Variants in GTF2A2 observed in about 807,000 individuals in gnomAD.
GTF2A2 encodes the protein general transcription factor IIA subunit 2.
GTF2A2 carries 9 observed loss-of-function variants against 14.3 expected under a neutral mutation model. The ratio of observed to expected loss-of-function variants is 0.63; its 90% CI spans 0.38 to 1.10. The LOEUF (loss-of-function observed/expected upper bound fraction) is 1.10. Among genes scored for constraint, GTF2A2 ranks in the 50% least tolerant of loss-of-function variants. The pLI, the probability that GTF2A2 is intolerant of heterozygous loss-of-function variation, is 0.01. For missense variants in GTF2A2, 90 were observed against 124.6 expected (o/e 0.72, Z 1.32); for synonymous variants, 56 against 46.0 (o/e 1.22, Z -0.88).
At chr15:59,650,053 T>G (rs1472276846) in intron 3 of GTF2A2, among the ~76,000 whole-genome samples, 1 of 152,228 alleles carries the variant, frequency 6.6e-6, no homozygotes, top group African/African-American at 2.4e-5. Context: ...GTGGTAAAAT[T>G]ATTTCTGTTG....
chr15:59,641,212 G>T (rs1420806257), intron 4 of GTF2A2, among the ~76,000 whole-genome samples: 2 of 96,356 alleles, frequency 2.1e-5, no homozygotes, highest in African/African-American at 4.0e-5. Flanking sequence ...AGGCTTAAGA[G>T]TAGTAAACTC....
rs536798563 is a variant in GTF2A2 at position 59,642,730 on chromosome 15, ACATT to A, written c.178-472_178-469del. On this transcript the variant is annotated intron_variant, in intron 3 of 4. Transcript: ENST00000396060. Reference sequence around the variant, plus strand: ...TACTGCATCGGTCACTAAGACTACAACATTCATTGTCTTGTGCAACTTATAATTT... The same window carrying A: ...TACTGCATCGGTCACTAAGACTACAACATTGTCTTGTGCAACTTATAATTT... 6.7e-4 allele frequency among the ~76,000 whole-genome samples: 102 copies of A among 152,348 alleles called. 1 individual carries two copies. The Middle Eastern group carries it at 0.014, about 20-fold the overall frequency.
At chr15:59,644,681 A>G (rs1485801114) in intron 3 of GTF2A2, among the ~76,000 whole-genome samples, 5 of 152,228 alleles carry the variant, frequency 3.3e-5, no homozygotes, top group Non-Finnish European at 7.3e-5. Context: ...GCTTCTCTCA[A>G]AAAGTGAAGT....
At chr15:59,649,503 A>G (rs1367477759) in intron 3 of GTF2A2, among the ~76,000 whole-genome samples, 1 of 152,208 alleles carries the variant, frequency 6.6e-6, no homozygotes, top group African/African-American at 2.4e-5. Context: ...AAATTTATGT[A>G]TTAACATGGA....
intron 2 of GTF2A2, 154 bp downstream of exon 2, chr15:59,652,052 A>G: frequency 1.7e-6 from 1 of 571,646 alleles, no homozygotes. Context: ...AGTGTAATAA[A>G]CAAGAATTTG....
intron 4 of GTF2A2, among the ~76,000 whole-genome samples, chr15:59,640,556 C>T (rs1891380675): frequency 6.6e-6 from 1 of 152,014 alleles, no homozygotes; most frequent in Non-Finnish European, 1.5e-5. Flanking sequence ...CTGCCCATAC[C>T]CACATTTCAA....
intron 1 of GTF2A2, among the ~76,000 whole-genome samples, chr15:59,655,324 A>T (rs915293159): frequency 1.3e-4 from 20 of 152,150 alleles, no homozygotes; most frequent in African/African-American, 4.3e-4. Context: ...ACTGTCTCCC[A>T]ATTCCTTTTT....
At position 59,647,640 on chromosome 15, in the gene GTF2A2, G is replaced by A. The variant is rs577287199; in HGVS notation, c.177+3029C>T. On this transcript the variant is annotated intron_variant, in intron 3 of 4. Transcript: ENST00000396060. The stretch of plus-strand genomic sequence containing the variant: ...GTGGCCCAAGCTAGAGTGCAGTGGC[G>A]CGATCTTGGCTCACTGCAACCTCCG... Among the ~76,000 whole-genome samples, 19 of 151,804 alleles carry A rather than the reference G, an allele frequency of 1.3e-4. No homozygotes were observed. The East Asian group carries it at 2.3e-3, about 19-fold the overall frequency.
chr15:59,639,181 AG>A, intron 4 of GTF2A2, 24 bp from the exon 5 acceptor site: 2 of 1,359,740 alleles, frequency 1.5e-6, no homozygotes, highest in Non-Finnish European at 1.0e-6. Context: ...GAGAAAGTAA[AG>A]TAAAGTAAAT....
intron 3 of GTF2A2, chr15:59,644,280 T>A (rs1325103352): frequency 6.6e-6 from 1 of 152,190 alleles, no homozygotes; most frequent in African/African-American, 2.4e-5. Flanking sequence ...CATGCACACA[T>A]ATAGTCACAT....
At chr15:59,655,386 T>C (rs1231000656) in intron 1 of GTF2A2, among the ~76,000 whole-genome samples, 1 of 152,214 alleles carries the variant, frequency 6.6e-6, no homozygotes, top group Non-Finnish European at 1.5e-5. Context: ...AGGAAACAGG[T>C]TGGTGAAGGT....
chr15:59,644,748 G>A (rs1477115754), intron 3 of GTF2A2, among the ~76,000 whole-genome samples: 1 of 151,936 alleles, frequency 6.6e-6, no homozygotes, highest in African/African-American at 2.4e-5. Flanking sequence ...ATAATGGAAA[G>A]GAAGACAAAC....
At chr15:59,639,248 CACAGGACTAATAGTGGTGGTGGCTT>C in intron 4 of GTF2A2, 91 bp from the exon 5 acceptor site, 1 of 799,582 alleles carries the variant, frequency 1.3e-6, no homozygotes, top group East Asian at 2.5e-5. Flanking sequence ...AAAATGAGAA[CACAGGACTAATAGTGGTGGTGGCTT>C]GCAGGGTGGG....
At chr15:59,645,859 A>AC (rs1242337159) in intron 3 of GTF2A2, among the ~76,000 whole-genome samples, 2 of 151,584 alleles carry the variant, frequency 1.3e-5, no homozygotes, top group East Asian at 3.9e-4. Flanking sequence ...ACATAGTGAA[A>AC]CCCCGTCTCT....
chr15:59,653,517 T>C (rs1263268970), intron 1 of GTF2A2, among the ~76,000 whole-genome samples: 2 of 152,188 alleles, frequency 1.3e-5, no homozygotes, highest in Non-Finnish European at 2.9e-5. Context: ...CCATTGTATT[T>C]TTTATTTTCT....
intron 3 of GTF2A2, among the ~76,000 whole-genome samples, chr15:59,650,194 CTG>C (rs1371613108): frequency 9.9e-5 from 15 of 152,182 alleles, no homozygotes; most frequent in Admixed American, 4.6e-4. Context: ...CCAGAATAGA[CTG>C]TTATCTACCA....
intron 3 of GTF2A2, among the ~76,000 whole-genome samples, chr15:59,643,490 T>C (rs1231772229): frequency 6.6e-6 from 1 of 151,918 alleles, no homozygotes; most frequent in Non-Finnish European, 1.5e-5. Context: ...GTGCTGAGAT[T>C]ACAGGCGTGA....
chr15:59,643,136 G>T (rs1389734413), intron 3 of GTF2A2, among the ~76,000 whole-genome samples: 1 of 138,302 alleles, frequency 7.2e-6, no homozygotes, highest in East Asian at 2.1e-4. Context: ...CTGCAGTGCA[G>T]TGGTGAGATC....
intron 3 of GTF2A2, among the ~76,000 whole-genome samples, chr15:59,644,886 A>G (rs1408744171): frequency 6.6e-6 from 1 of 152,222 alleles, no homozygotes; most frequent in African/African-American, 2.4e-5. Context: ...CTTAAGCATA[A>G]GAGTCTGATC....
Sources: allele counts gnomAD v4.1 joint callset (sites outside exome capture counted in the v4.1 genomes callset), GRCh38; gene constraint gnomAD v4.1.1; transcripts MANE v1.5; gene names NCBI Gene and HGNC (gene_info 2026-07-23, HGNC 2026-07-21).